Variants in CSMD1 observed in about 807,000 individuals in gnomAD.
The protein encoded by CSMD1 is CUB and sushi domain-containing protein 1.
A neutral mutation model predicts 417.5 loss-of-function variants in CSMD1; 213 were observed. The observed-to-expected ratio is 0.51, with a 90% CI of 0.46 to 0.57. The LOEUF (loss-of-function observed/expected upper bound fraction) is 0.57, where lower values mean the gene tolerates loss of function less well. Among genes scored for constraint, CSMD1 ranks in the 20% least tolerant of loss-of-function variants. CSMD1 has a pLI of 0.00. For synonymous variants in CSMD1, 2,862 were observed against 1,736.8 expected (o/e 1.65, Z -16.11); for missense variants, 6,923 against 4,529.7 (o/e 1.53, Z -15.17).
At chr8:4,981,954 C>A (rs568475154) in intron 1 of CSMD1, among the ~76,000 whole-genome samples, 34 of 152,152 alleles carry the variant, frequency 2.2e-4, no homozygotes, top group Non-Finnish European at 3.7e-4. Flanking sequence ...CAGGTGACAA[C>A]CGTGTGTGGC....
intron 1 of CSMD1, among the ~76,000 whole-genome samples, chr8:4,980,708 G>C (rs868606802): frequency 5.9e-5 from 9 of 152,104 alleles, no homozygotes; most frequent in African/African-American, 1.4e-4. Flanking sequence ...TCCAAGACCA[G>C]CGTGGACAAC....
At chr8:3,587,226 A>C (rs13258350) in intron 8 of CSMD1, among the ~76,000 whole-genome samples, 115,114 of 152,240 alleles carry the variant, frequency 0.76, 44,636 homozygotes, top group Non-Finnish European at 0.85. Context: ...CACAGAACAC[A>C]AACTGGACAG....
At chr8:3,165,874 T>C (rs1820178691) in intron 37 of CSMD1, among the ~76,000 whole-genome samples, 1 of 151,874 alleles carries the variant, frequency 6.6e-6, no homozygotes, top group South Asian at 2.1e-4. Context: ...AAATCAACCA[T>C]CTACAGAATG....
At chr8:3,532,120 T>C (rs1798007033) in intron 10 of CSMD1, among the ~76,000 whole-genome samples, 1 of 152,210 alleles carries the variant, frequency 6.6e-6, no homozygotes, top group African/African-American at 2.4e-5. Context: ...ACATTTTTTT[T>C]CTGGGACTCC....
intron 5 of CSMD1, among the ~76,000 whole-genome samples, chr8:3,843,330 C>T (rs979712085): frequency 6.6e-6 from 1 of 152,074 alleles, no homozygotes; most frequent in African/African-American, 2.4e-5. Context: ...TGAACGAAAT[C>T]GTTTGAAGAC....
chr8:3,580,177 A>G (rs932234871), intron 9 of CSMD1, among the ~76,000 whole-genome samples: 1 of 152,214 alleles, frequency 6.6e-6, no homozygotes, highest in South Asian at 2.1e-4. Context: ...CACTGAGGGT[A>G]TGGCGGAGAG....
intron 10 of CSMD1, among the ~76,000 whole-genome samples, chr8:3,508,806 T>C (rs554616411): frequency 6.6e-6 from 1 of 152,268 alleles, no homozygotes; most frequent in South Asian, 2.1e-4. Context: ...CCTACGCTTT[T>C]CCCATTATGG....
intron 1 of CSMD1, among the ~76,000 whole-genome samples, chr8:4,909,174 G>A (rs964513747): frequency 6.6e-6 from 1 of 152,144 alleles, no homozygotes; most frequent in African/African-American, 2.4e-5. Context: ...GCCTTCTGCT[G>A]TAATCCACTC....
Position 4,087,610 on chromosome 8 carries a change from A to G in CSMD1, c.416-55511T>C, listed in dbSNP as rs189337598. Among the ~76,000 whole-genome samples, 447 of 151,982 alleles carry G rather than the reference A, an allele frequency of 2.9e-3. 2 individuals are homozygous for G. Among genetic ancestry groups the G allele is most frequent in the Non-Finnish European group, 4.0e-3 (274 of 67,964 alleles). ...CTGTCTAACTTTCTGTCTCTCTCTC[A>G]TTCCCAAATCTTTCTTCTTCGATAC... is the stretch of plus-strand genomic sequence containing the variant. On this transcript the variant is annotated intron_variant, in intron 3 of 69. Transcript: ENST00000635120.
chr8:4,478,621 T>C (rs1485740974), intron 2 of CSMD1, among the ~76,000 whole-genome samples: 2 of 152,206 alleles, frequency 1.3e-5, no homozygotes, highest in Non-Finnish European at 2.9e-5. Flanking sequence ...CAGGGCGTTA[T>C]AAACTATCAG....
intron 1 of CSMD1, among the ~76,000 whole-genome samples, chr8:4,845,017 C>T (rs574313510): frequency 6.6e-6 from 1 of 152,116 alleles, no homozygotes; most frequent in African/African-American, 2.4e-5. Context: ...TAATACTTAG[C>T]ATTTTACATG....
intron 18 of CSMD1, among the ~76,000 whole-genome samples, chr8:3,374,775 G>A (rs1585072073): frequency 6.6e-6 from 1 of 152,094 alleles, no homozygotes; most frequent in Non-Finnish European, 1.5e-5. Context: ...TGATGTTCAT[G>A]GCAAAGCACA....
chr8:3,763,307 T>A (rs903097982), intron 5 of CSMD1, among the ~76,000 whole-genome samples: 2 of 152,144 alleles, frequency 1.3e-5, no homozygotes, highest in Non-Finnish European at 2.9e-5. Flanking sequence ...TGATTGCCGG[T>A]ATTGGAGGTG....
chr8:3,704,965 A>AT (rs1801084999), intron 7 of CSMD1: 1 of 152,282 alleles, frequency 6.6e-6, no homozygotes, highest in African/African-American at 2.4e-5. Flanking sequence ...TTTTACTTTT[A>AT]TTTTTTAACA....
chr8:4,125,027 G>A (rs1268285527), intron 3 of CSMD1, among the ~76,000 whole-genome samples: 1 of 152,008 alleles, frequency 6.6e-6, no homozygotes, highest in Non-Finnish European at 1.5e-5. Flanking sequence ...CACACTCTTG[G>A]GGTCCGCACG....
At chr8:3,636,060 C>G (rs1474746408) in intron 7 of CSMD1, among the ~76,000 whole-genome samples, 1 of 140,226 alleles carries the variant, frequency 7.1e-6, no homozygotes, top group East Asian at 2.2e-4. Flanking sequence ...ACTCTATAAG[C>G]TTTTTCTATT....
chr8:2,998,091 G>T lies in CSMD1; in HGVS notation c.8297C>A (p.Thr2766Lys). The T allele has an allele frequency of 1.2e-6, 2 of 1,613,972 alleles. No individual in the cohort carries two copies. Among genetic ancestry groups the T allele is most frequent in the South Asian group, 2.2e-5 (2 of 91,092 alleles). Residue 2766 changes from threonine (T) to lysine (K), a missense_variant, in exon 54 of 70, where the codon ACG becomes AAG. Transcript: ENST00000635120. ...AGACACGCCCTGCAGCAAATAGCCC[G>T]TGTTGCAGGTGAAATTCACGACATC... ...LNDVVNFTCNTGYLLQGVSRA... is the reference protein window; with the variant it reads ...LNDVVNFTCNKGYLLQGVSRA...
intron 1 of CSMD1, among the ~76,000 whole-genome samples, chr8:4,946,175 C>G (rs989905961): frequency 1.3e-5 from 2 of 152,170 alleles, no homozygotes; most frequent in African/African-American, 4.8e-5. Context: ...CTTTGATACT[C>G]CGTGTTGTTT....
chr8:3,793,195 G>C (rs934456932), intron 5 of CSMD1, among the ~76,000 whole-genome samples: 4 of 152,118 alleles, frequency 2.6e-5, no homozygotes. Context: ...TTTCTGTTTA[G>C]CAATTTTTCT....
Sources: allele counts gnomAD v4.1 joint callset (sites outside exome capture counted in the v4.1 genomes callset), GRCh38; gene constraint gnomAD v4.1.1; transcripts MANE v1.5; gene names NCBI Gene and HGNC (gene_info 2026-07-23, HGNC 2026-07-21).